IL1RAPL1: variants seen among roughly 807,000 people sequenced by gnomAD.
IL1RAPL1 encodes the protein interleukin 1 receptor accessory protein like 1.
IL1RAPL1 carries 3 observed loss-of-function variants against 48.4 expected under a neutral mutation model. That is an observed-to-expected ratio of 0.06 (90% CI 0.03 to 0.16). IL1RAPL1 has a LOEUF of 0.16. Ranked by LOEUF, IL1RAPL1 falls within the 10% of genes least tolerant of loss-of-function variation. The pLI is 1.00. For missense variants in IL1RAPL1, 349 were observed against 530.6 expected, an observed-to-expected ratio of 0.66 and a Z score of 3.36; for synonymous variants, 185 against 187.7, an observed-to-expected ratio of 0.99 and a Z score of 0.12.
chrX:29,255,151 G>T (rs1164275106), intron 2 of IL1RAPL1, among the ~76,000 whole-genome samples: 1 of 108,973 alleles, frequency 9.2e-6, no homozygotes. Flanking sequence ...GCGTGTGTGT[G>T]TGTGTGTGTG....
chrX:28,687,717 G>C (rs1485619007), intron 1 of IL1RAPL1, among the ~76,000 whole-genome samples: 6 of 109,765 alleles, frequency 5.5e-5, no homozygotes, highest in Admixed American at 3.9e-4. Context: ...GGGAGGCGGA[G>C]CTTGCAGTGA....
At chrX:28,767,809 C>T (rs1326360790) in intron 1 of IL1RAPL1, among the ~76,000 whole-genome samples, 1 of 110,310 alleles carries the variant, frequency 9.1e-6, no homozygotes, top group African/African-American at 3.3e-5. Flanking sequence ...CTGTGAAATT[C>T]TTTACAACTC....
At chrX:28,941,977 A>G (rs1288056702) in intron 2 of IL1RAPL1, 1 of 110,224 alleles carries the variant, frequency 9.1e-6, no homozygotes, top group Non-Finnish European at 1.9e-5. Context: ...GAGGACTACC[A>G]TGTAGAAAAG....
chrX:29,088,711 C>T (rs1043908746), intron 2 of IL1RAPL1, among the ~76,000 whole-genome samples: 2 of 104,548 alleles, frequency 1.9e-5, no homozygotes, highest in Non-Finnish European at 3.9e-5. Context: ...GAAAAATGCA[C>T]TACTGTAGAA....
chrX:29,127,123 T>TTGG (rs1928914494), intron 2 of IL1RAPL1, among the ~76,000 whole-genome samples: 1 of 110,895 alleles, frequency 9.0e-6, no homozygotes, highest in Admixed American at 9.7e-5. Flanking sequence ...CAACCTGCTG[T>TTGG]TGGTGGTGGT....
chrX:28,797,432 C>T (rs981147720), intron 2 of IL1RAPL1, among the ~76,000 whole-genome samples: 2 of 111,611 alleles, frequency 1.8e-5, no homozygotes, highest in Non-Finnish European at 1.9e-5. Context: ...ACCCAAGTCA[C>T]CTCTTGAACA....
At chrX:28,822,697 A>G (rs1936949700) in intron 2 of IL1RAPL1, among the ~76,000 whole-genome samples, 2 of 111,671 alleles carry the variant, frequency 1.8e-5, no homozygotes, top group Admixed American at 1.9e-4. Context: ...ATTCTCACCA[A>G]TGATAAAGTA....
chrX:28,936,792 TA>T (rs1287236369), intron 2 of IL1RAPL1, among the ~76,000 whole-genome samples: 3 of 110,881 alleles, frequency 2.7e-5, no homozygotes, highest in Non-Finnish European at 5.7e-5. Context: ...CTTTCAACTC[TA>T]AAATTATATG....
chrX:28,811,188 T>A (rs1451892718), intron 2 of IL1RAPL1, among the ~76,000 whole-genome samples: 1 of 110,754 alleles, frequency 9.0e-6, no homozygotes, highest in Non-Finnish European at 1.9e-5. Context: ...AATAATCTGA[T>A]AACCCTCTCC....
At chrX:29,298,321 C>A (rs1932479102) in intron 3 of IL1RAPL1, among the ~76,000 whole-genome samples, 1 of 111,553 alleles carries the variant, frequency 9.0e-6, no homozygotes, top group South Asian at 3.8e-4. Flanking sequence ...AACAAGGTGC[C>A]TTAAGATCAG....
chrX:29,012,843 A>G, intron 2 of IL1RAPL1, among the ~76,000 whole-genome samples: 1 of 111,999 alleles, frequency 8.9e-6, no homozygotes, highest in Non-Finnish European at 1.9e-5. Context: ...TCTGACTGAA[A>G]AATTAAGGTT....
intron 5 of IL1RAPL1, among the ~76,000 whole-genome samples, chrX:29,655,794 C>G (rs887327380): frequency 6.3e-5 from 7 of 110,471 alleles, no homozygotes; most frequent in Non-Finnish European, 9.4e-5. Context: ...TATGTCTGTT[C>G]CTTTGTAGCA....
At chrX:29,096,696 A>T (rs1500731) in intron 2 of IL1RAPL1, among the ~76,000 whole-genome samples, 23,522 of 110,079 alleles carry the variant, frequency 0.21, 2,208 homozygotes, top group African/African-American at 0.36. Context: ...TAAGAAATTT[A>T]AAAAAATTAA....
In IL1RAPL1 at chrX:29,736,437, G is replaced by T. The variant is rs146449925; in HGVS notation, c.778+67933G>T. Among the ~76,000 whole-genome samples the T allele has an allele frequency of 1.6e-3, 183 of 111,975 alleles. 1 individual carries two copies. Among genetic ancestry groups the T allele is most frequent in the Admixed American group, 3.1e-3 (33 of 10,596 alleles). On this transcript the variant is annotated intron_variant, in intron 6 of 10. Transcript: ENST00000378993. ...TCACATATCACACATGTGTATTAAA[G>T]AATTTGGGCTGGGCGCAGTGGCTCA...
rs143064785 is a variant in IL1RAPL1 at position 28,791,673 on chromosome X, T to C, written c.82+2248T>C. Among the ~76,000 whole-genome samples the C allele has an allele frequency of 8.0e-3, 897 of 112,177 alleles. 6 individuals are homozygous for C. The highest frequency in any genetic ancestry group is 0.011 in the South Asian group (30 of 2,712). On this transcript the variant is annotated intron_variant, in intron 2 of 10. Coordinates refer to ENST00000378993, the MANE Select transcript of IL1RAPL1 (RefSeq NM_014271.4). Reference sequence around the variant, plus strand: ...TGCAGCATGCCTGATTTGTTTACTTTTCTATATGATGTGAATTAACATACC... The same window carrying C: ...TGCAGCATGCCTGATTTGTTTACTTCTCTATATGATGTGAATTAACATACC...
intron 3 of IL1RAPL1, among the ~76,000 whole-genome samples, chrX:29,299,813 C>T: frequency 8.9e-6 from 1 of 112,108 alleles, no homozygotes; most frequent in South Asian, 3.7e-4. Context: ...TTTGTTTCCC[C>T]AAACCTCATG....
At chrX:29,945,366 T>C (rs1263611019) in intron 9 of IL1RAPL1, among the ~76,000 whole-genome samples, 1 of 109,636 alleles carries the variant, frequency 9.1e-6, no homozygotes, top group Non-Finnish European at 1.9e-5. Flanking sequence ...CTTTGTAAAT[T>C]CTTGTCTTTT....
intron 3 of IL1RAPL1, among the ~76,000 whole-genome samples, chrX:29,307,592 G>A (rs931313361): frequency 1.3e-4 from 15 of 111,953 alleles, no homozygotes; most frequent in African/African-American, 4.9e-4. Flanking sequence ...TAAAATTTGT[G>A]CACTTGAAGA....
intron 2 of IL1RAPL1, among the ~76,000 whole-genome samples, chrX:28,916,379 G>A (rs1231954655): frequency 9.0e-6 from 1 of 111,585 alleles, no homozygotes; most frequent in Non-Finnish European, 1.9e-5. Flanking sequence ...AAAGGGAATG[G>A]TTACAAGCTC....
Sources: allele counts gnomAD v4.1 joint callset (sites outside exome capture counted in the v4.1 genomes callset), GRCh38; gene constraint gnomAD v4.1.1; transcripts MANE v1.5; gene names NCBI Gene and HGNC (gene_info 2026-07-23, HGNC 2026-07-21).